The following DGKB variants were observed in gnomAD, a reference collection of about 807,000 sequenced individuals.
DGKB encodes the protein 90 kDa diacylglycerol kinase.
In DGKB, 67 loss-of-function variants were observed where a neutral mutation model predicts 114.3. That is an observed-to-expected ratio of 0.59 (90% CI 0.48 to 0.72). The LOEUF (loss-of-function observed/expected upper bound fraction) is 0.72. Among genes scored for constraint, DGKB ranks in the 30% least tolerant of loss-of-function variants. The pLI is 0.00. For missense variants in DGKB, 907 were observed against 975.2 expected (o/e 0.93, Z 0.93); for synonymous variants, 398 against 323.1 (o/e 1.23, Z -2.49).
chr7:14,857,272 G>GTGTGTGTGTT (rs1318017709), intron 1 of DGKB, among the ~76,000 whole-genome samples: 1 of 151,734 alleles, frequency 6.6e-6, no homozygotes. Context: ...GTGTGTGTGT[G>GTGTGTGTGTT]TGTGTGTTGC....
At chr7:14,408,616 T>C (rs1824337299) in intron 21 of DGKB, among the ~76,000 whole-genome samples, 1 of 152,134 alleles carries the variant, frequency 6.6e-6, no homozygotes, top group Admixed American at 6.6e-5. Flanking sequence ...TATAATCCTA[T>C]TCTTCTAGCT....
intron 20 of DGKB, among the ~76,000 whole-genome samples, chr7:14,546,406 A>T (rs1350286948): frequency 6.6e-6 from 1 of 152,098 alleles, no homozygotes; most frequent in African/African-American, 2.4e-5. Context: ...CTTTCGCGTG[A>T]CTGTAACTCA....
chr7:14,168,995 G>A (rs770743113), intron 25 of DGKB, among the ~76,000 whole-genome samples: 58 of 152,094 alleles, frequency 3.8e-4, no homozygotes, highest in Non-Finnish European at 7.5e-4. Context: ...AATTAATTCA[G>A]GCAATCTGAC....
chr7:14,940,342 C>T (rs62448580), intron 1 of DGKB, among the ~76,000 whole-genome samples: 1 of 135,398 alleles, frequency 7.4e-6, no homozygotes, highest in Non-Finnish European at 1.7e-5. Context: ...AGTCTTCAAG[C>T]CTTTTTTTTT....
At chr7:14,545,357 G>A (rs922715614) in intron 20 of DGKB, among the ~76,000 whole-genome samples, 1 of 152,086 alleles carries the variant, frequency 6.6e-6, no homozygotes, top group Non-Finnish European at 1.5e-5. Flanking sequence ...AAATCAAACA[G>A]GTAAGAATCC....
intron 20 of DGKB, among the ~76,000 whole-genome samples, chr7:14,540,442 C>T: frequency 6.6e-6 from 1 of 152,056 alleles, no homozygotes; most frequent in South Asian, 2.1e-4. Context: ...GCAGGGATGT[C>T]TAACCTAAAA....
At chr7:14,700,582 A>C (rs1302360289) in intron 7 of DGKB, among the ~76,000 whole-genome samples, 2 of 152,186 alleles carry the variant, frequency 1.3e-5, no homozygotes, top group Non-Finnish European at 2.9e-5. Context: ...ATTCAGAGTG[A>C]TGGTCATTTC....
chr7:14,616,215 T>C (rs563753819), intron 15 of DGKB, among the ~76,000 whole-genome samples: 2 of 147,600 alleles, frequency 1.4e-5, no homozygotes, highest in Admixed American at 6.8e-5. Context: ...ATATATATAA[T>C]ATACATATAT....
At chr7:14,882,718 G>A (rs1024956413) in intron 1 of DGKB, among the ~76,000 whole-genome samples, 1 of 151,746 alleles carries the variant, frequency 6.6e-6, no homozygotes, top group African/African-American at 2.4e-5. Flanking sequence ...GGCTTGTTTT[G>A]CTCAAGATAA....
At chr7:14,340,132 G>T (rs1257793506) in intron 22 of DGKB, among the ~76,000 whole-genome samples, 6 of 145,208 alleles carry the variant, frequency 4.1e-5, no homozygotes, top group Middle Eastern at 3.6e-3. Context: ...TTGTTTCAAT[G>T]AGGGCGAAAC....
chr7:14,711,219 T>A (rs945787960), intron 6 of DGKB, among the ~76,000 whole-genome samples: 7 of 152,100 alleles, frequency 4.6e-5, no homozygotes, highest in Non-Finnish European at 1.0e-4. Flanking sequence ...ATAAATCCTG[T>A]CTAATTCATC....
At chr7:14,945,378 G>A (rs991097626) in intron 1 of DGKB, among the ~76,000 whole-genome samples, 16 of 151,798 alleles carry the variant, frequency 1.1e-4, no homozygotes, top group Admixed American at 9.2e-4. Context: ...GTTCTAGTTC[G>A]TGAATGTGGT....
chr7:14,342,369 T>A (rs1420388651), intron 22 of DGKB, among the ~76,000 whole-genome samples: 1 of 151,892 alleles, frequency 6.6e-6, no homozygotes, highest in Non-Finnish European at 1.5e-5. Context: ...GAACTCTGTA[T>A]CTTCAATTCC....
At chr7:14,500,432 G>C (rs1250374464) in intron 20 of DGKB, among the ~76,000 whole-genome samples, 1 of 150,798 alleles carries the variant, frequency 6.6e-6, no homozygotes, top group Non-Finnish European at 1.5e-5. Context: ...ACTGGAGTAA[G>C]GGTTTAAGAT....
At position 14,203,056 on chromosome 7, in the gene DGKB, C is replaced by G. The variant is rs924432082; in HGVS notation, c.2123-24905G>C. ...AATGCTCGTCTACAATTAAGCGATTCAGTCAACATTTTAAAAAAAGGTGCA... is the reference window on the plus strand; with the variant it reads ...AATGCTCGTCTACAATTAAGCGATTGAGTCAACATTTTAAAAAAAGGTGCA... On this transcript the variant is annotated intron_variant, in intron 23 of 25. Transcript: ENST00000402815. 1.2e-4 allele frequency among the ~76,000 whole-genome samples: 17 copies of G among 145,098 alleles called. No individual in the cohort carries two copies. In the Admixed American group the frequency reaches 1.2e-3, roughly 10 times the overall value.
chr7:14,937,375 A>C (rs1236287953), intron 1 of DGKB, among the ~76,000 whole-genome samples: 1 of 152,146 alleles, frequency 6.6e-6, no homozygotes, highest in South Asian at 2.1e-4. Context: ...GGTACATTGC[A>C]TATTTTCAGC....
intron 25 of DGKB, among the ~76,000 whole-genome samples, chr7:14,163,944 G>A (rs139099826): frequency 6.6e-6 from 1 of 151,674 alleles, no homozygotes; most frequent in African/African-American, 2.4e-5. Context: ...GCAGTGAGCC[G>A]AGATCATGCC....
rs111943760 is a variant in DGKB at position 14,677,302 on chromosome 7, T to C, written c.1036-4275A>G. Among the ~76,000 whole-genome samples the C allele has an allele frequency of 7.9e-3, 1,198 of 151,684 alleles. 14 individuals carry two copies. Among genetic ancestry groups the C allele is most frequent in the African/African-American group, 0.026 (1,082 of 41,362 alleles). ...GTGTTCATAGGAATTTAGAGGAAAA[T>C]AAGAAGAGAAATAAGCTACTTTTCT... On this transcript the variant is annotated intron_variant, in intron 12 of 25. Coordinates refer to ENST00000402815, the MANE Select transcript of DGKB (RefSeq NM_001350709.2).
intron 17 of DGKB, among the ~76,000 whole-genome samples, chr7:14,584,665 A>AT (rs990462735): frequency 7.1e-4 from 106 of 148,466 alleles, no homozygotes; most frequent in African/African-American, 1.1e-3. Flanking sequence ...TTTTATTTTT[A>AT]TTTTTTTTTT....
Sources: gnomAD v4.1 joint callset for allele counts (sites outside exome capture counted in the v4.1 genomes callset) on GRCh38, gnomAD v4.1.1 for gene constraint, MANE v1.5 for transcripts, NCBI Gene and HGNC (gene_info 2026-07-23, HGNC 2026-07-21) for gene names.